MICU1: variants seen among roughly 807,000 people sequenced by gnomAD.
The protein encoded by MICU1 is calcium uptake protein 1, mitochondrial.
MICU1 carries 45 observed loss-of-function variants against 56.8 expected under a neutral mutation model. The observed-to-expected ratio is 0.79, with a 90% CI of 0.62 to 1.02. MICU1 has a LOEUF of 1.02. MICU1 is among the 50% of genes least tolerant of loss of function. The probability of loss-of-function intolerance (pLI) is 0.00; values close to 1 mark genes in which losing one functional copy is unlikely to be tolerated. For missense variants in MICU1, 504 were observed against 587.1 expected, an observed-to-expected ratio of 0.86 and a Z score of 1.46; for synonymous variants, 186 against 195.1, an observed-to-expected ratio of 0.95 and a Z score of 0.39.
chr10:72,615,518 G>C (rs1841955485), intron 1 of MICU1, among the ~76,000 whole-genome samples: 1 of 152,034 alleles, frequency 6.6e-6, no homozygotes, highest in Admixed American at 6.5e-5. Context: ...AGTATTTTTG[G>C]CAAGAATTCT....
intron 5 of MICU1, among the ~76,000 whole-genome samples, chr10:72,518,073 G>A (rs957729095): frequency 4.1e-4 from 61 of 148,558 alleles, no homozygotes; most frequent in Admixed American, 3.6e-3. Context: ...TGCTCTGTCC[G>A]CCAGGCTTGG....
intron 1 of MICU1, among the ~76,000 whole-genome samples, chr10:72,569,985 G>A (rs575451330): frequency 1.3e-5 from 2 of 152,192 alleles, no homozygotes; most frequent in Admixed American, 6.5e-5. Flanking sequence ...TTGCTCTGTC[G>A]CCAAGGCTGG....
In MICU1 at chr10:72,465,503, C is replaced by CT. The variant is rs10586216; in HGVS notation, c.933+9596dup. 2.6e-3 allele frequency among the ~76,000 whole-genome samples: 150 copies of CT among 57,762 alleles called. 17 individuals are homozygous for CT. The highest frequency in any genetic ancestry group is 5.8e-3 in the African/African-American group (120 of 20,678). 37.9% of individuals were successfully genotyped at this position (57,762 alleles called of 152,430 possible). A position where few individuals can be genotyped will look rare whatever the true frequency, so the allele number is the denominator to read the frequency against. ...ACATGGAACATGTTTCTGTTCAGGT[C>CT]TTTTTTTTTTTTTTTTTTTTTTTTT... On this transcript the variant is annotated intron_variant, in intron 8 of 11. Transcript: ENST00000361114.
At chr10:72,590,329 T>C (rs902414802) in intron 1 of MICU1, among the ~76,000 whole-genome samples, 3 of 152,070 alleles carry the variant, frequency 2.0e-5, no homozygotes, top group Non-Finnish European at 4.4e-5. Context: ...TATATATCAA[T>C]AAAAGGTTCA....
At chr10:72,495,655 CAAAA>C (rs758909513) in intron 6 of MICU1, among the ~76,000 whole-genome samples, 74 of 85,418 alleles carry the variant, frequency 8.7e-4, no homozygotes, top group Admixed American at 1.7e-3. Context: ...ACCTCTGTCT[CAAAA>C]AAAAAAAAAA....
At chr10:72,426,773 C>T (rs910240831) in intron 8 of MICU1, among the ~76,000 whole-genome samples, 9 of 152,134 alleles carry the variant, frequency 5.9e-5, no homozygotes, top group Non-Finnish European at 1.0e-4. Context: ...TGGTCCCAAG[C>T]ATTTTGGATA....
chr10:72,594,424 T>G (rs1841315475), intron 1 of MICU1, among the ~76,000 whole-genome samples: 1 of 150,446 alleles, frequency 6.6e-6, no homozygotes, highest in African/African-American at 2.4e-5. Flanking sequence ...AAGGCCTAAA[T>G]GTAACACCTA....
intron 8 of MICU1, among the ~76,000 whole-genome samples, chr10:72,462,732 TGACCTAA>T (rs1485236723): frequency 6.6e-6 from 1 of 152,206 alleles, no homozygotes; most frequent in Non-Finnish European, 1.5e-5. Context: ...TCCAAATAAA[TGACCTAA>T]GAACTTTTTA....
At chr10:72,614,320 C>T (rs1347662821) in intron 1 of MICU1, among the ~76,000 whole-genome samples, 2 of 152,104 alleles carry the variant, frequency 1.3e-5, no homozygotes, top group Non-Finnish European at 2.9e-5. Flanking sequence ...ATGGCAGCTC[C>T]TCAAAAAATT....
At chr10:72,543,957 G>A (rs1839836673) in intron 4 of MICU1, among the ~76,000 whole-genome samples, 1 of 152,144 alleles carries the variant, frequency 6.6e-6, no homozygotes, top group African/African-American at 2.4e-5. Context: ...TCCAAAGAAA[G>A]AAGAAGTAAA....
At chr10:72,455,480 A>G (rs935624816) in intron 8 of MICU1, among the ~76,000 whole-genome samples, 1 of 151,664 alleles carries the variant, frequency 6.6e-6, no homozygotes, top group African/African-American at 2.4e-5. Flanking sequence ...CATGTGTTCT[A>G]TGTATCATGA....
intron 10 of MICU1, among the ~76,000 whole-genome samples, chr10:72,387,188 T>A (rs1365520770): frequency 6.6e-6 from 1 of 152,196 alleles, no homozygotes; most frequent in African/African-American, 2.4e-5. Context: ...TTAGTTATAA[T>A]CATACAATTT....
chr10:72,548,782 C>T (rs960555564), intron 4 of MICU1, among the ~76,000 whole-genome samples: 8 of 152,292 alleles, frequency 5.3e-5, no homozygotes, highest in South Asian at 2.1e-4. Context: ...CTGCAACCTC[C>T]GCCTCCTGGG....
intron 8 of MICU1, among the ~76,000 whole-genome samples, chr10:72,424,119 CA>C (rs67092718): frequency 0.46 from 68,782 of 150,664 alleles, 19,678 homozygotes; most frequent in Non-Finnish European, 0.66. Context: ...ATTTCCCCCC[CA>C]CCTTTTTTTT....
chr10:72,400,154 T>C (rs1863403631), intron 10 of MICU1, among the ~76,000 whole-genome samples: 1 of 152,202 alleles, frequency 6.6e-6, no homozygotes, highest in Non-Finnish European at 1.5e-5. Flanking sequence ...TTTGTACCAC[T>C]GCCTCTATTA....
At chr10:72,481,302 T>A (rs1866286576) in intron 6 of MICU1, among the ~76,000 whole-genome samples, 1 of 152,242 alleles carries the variant, frequency 6.6e-6, no homozygotes, top group Admixed American at 6.5e-5. Context: ...TCAGGGCAAT[T>A]TTTAAATCTA....
At chr10:72,401,928 T>A (rs960794343) in intron 10 of MICU1, among the ~76,000 whole-genome samples, 1 of 152,094 alleles carries the variant, frequency 6.6e-6, no homozygotes, top group Non-Finnish European at 1.5e-5. Flanking sequence ...TGAGTTCAAC[T>A]CCACTTAGAT....
intron 1 of MICU1, among the ~76,000 whole-genome samples, chr10:72,602,835 C>T (rs1404625994): frequency 4.6e-5 from 7 of 152,086 alleles, no homozygotes; most frequent in East Asian, 1.9e-4. Flanking sequence ...CAGCCAGGCG[C>T]GGTGGCTCAC....
intron 10 of MICU1, among the ~76,000 whole-genome samples, chr10:72,394,700 A>G (rs914934793): frequency 5.3e-5 from 8 of 152,092 alleles, no homozygotes; most frequent in African/African-American, 1.9e-4. Flanking sequence ...TAACTATTAC[A>G]ATACCAACCA....
Sources: gnomAD v4.1 joint callset for allele counts (sites outside exome capture counted in the v4.1 genomes callset) on GRCh38, gnomAD v4.1.1 for gene constraint, MANE v1.5 for transcripts, NCBI Gene and HGNC (gene_info 2026-07-23, HGNC 2026-07-21) for gene names.